Variants in ASIC2 observed in about 807,000 individuals in gnomAD.
ASIC2 encodes the protein acid-sensing ion channel 2.
ASIC2 carries 25 observed loss-of-function variants against 57.3 expected under a neutral mutation model. That is an observed-to-expected ratio of 0.44 (90% CI 0.32 to 0.61). The LOEUF (loss-of-function observed/expected upper bound fraction) is 0.61, where lower values mean the gene tolerates loss of function less well. Ranked by LOEUF, ASIC2 falls within the 20% of genes least tolerant of loss-of-function variation. The pLI is 0.06. For missense variants in ASIC2, 641 were observed against 738.1 expected (o/e 0.87, Z 1.52); for synonymous variants, 319 against 307.5 (o/e 1.04, Z -0.39).
At chr17:33,946,209 A>T (rs1448935378) in intron 1 of ASIC2, among the ~76,000 whole-genome samples, 2 of 152,186 alleles carry the variant, frequency 1.3e-5, no homozygotes, top group African/African-American at 4.8e-5. Context: ...GAAAACTCTT[A>T]TTTGGAGATA....
intron 7 of ASIC2, among the ~76,000 whole-genome samples, chr17:33,018,810 G>C (rs542196457): frequency 1.3e-5 from 2 of 152,244 alleles, no homozygotes; most frequent in East Asian, 1.9e-4. Context: ...TCTCTGGAAA[G>C]AGGTTTGGGA....
rs111985512 is a variant in ASIC2 at position 33,737,959 on chromosome 17, T to A, written c.555+418019A>T. Among the ~76,000 whole-genome samples, 40 of 152,070 alleles carry A rather than the reference T, an allele frequency of 2.6e-4. 2 individuals are homozygous for A. The highest frequency in any genetic ancestry group is 9.4e-4 in the African/African-American group (39 of 41,464). On this transcript the variant is annotated intron_variant, in intron 1 of 9. Transcript: ENST00000359872. The stretch of plus-strand genomic sequence containing the variant: ...AAACCCAACTTGGTAAACAAAAAAA[T>A]AAATAAATAAAAATAAAATGAACAA...
At position 33,658,165 on chromosome 17, in the gene ASIC2, A is replaced by T. The variant is rs144581367; in HGVS notation, c.555+497813T>A. Among the ~76,000 whole-genome samples, 262 of 152,310 alleles carry T rather than the reference A, an allele frequency of 1.7e-3. 1 individual carries two copies. Among genetic ancestry groups the T allele is most frequent in the African/African-American group, 5.9e-3 (246 of 41,566 alleles). On this transcript the variant is annotated intron_variant, in intron 1 of 9. Coordinates refer to the ASIC2 transcript ENST00000359872. The stretch of plus-strand genomic sequence containing the variant: ...CTCAGTCCAATTTGCTACTCCTTAG[A>T]AGTGGCCTGAGCCCAGAGCACAGTG...
chr17:33,979,272 T>G (rs1162392054), intron 1 of ASIC2, among the ~76,000 whole-genome samples: 1 of 152,144 alleles, frequency 6.6e-6, no homozygotes, highest in African/African-American at 2.4e-5. Flanking sequence ...TATCCGTCCT[T>G]CCTTCCTGCA....
At chr17:33,786,185 C>T (rs1456553153) in intron 1 of ASIC2, among the ~76,000 whole-genome samples, 1 of 152,104 alleles carries the variant, frequency 6.6e-6, no homozygotes, top group African/African-American at 2.4e-5. Flanking sequence ...GTTTGACTAA[C>T]TGGCAGGTTC....
chr17:33,357,145 G>A (rs939053169), intron 1 of ASIC2, among the ~76,000 whole-genome samples: 2 of 75,664 alleles, frequency 2.6e-5, no homozygotes, highest in Non-Finnish European at 5.6e-5. Flanking sequence ...CGTTGAGAAC[G>A]GGGCCCTCTG....
At chr17:33,432,604 TTATTA>T (rs1401904397) in intron 1 of ASIC2, among the ~76,000 whole-genome samples, 1 of 152,198 alleles carries the variant, frequency 6.6e-6, no homozygotes. Flanking sequence ...CTAGCTTACT[TTATTA>T]TAAGAGTACA....
In ASIC2 at chr17:33,181,309, A is replaced by T. The variant is rs188920463; in HGVS notation, c.709-69242T>A. 1.4e-4 allele frequency among the ~76,000 whole-genome samples: 21 copies of T among 152,346 alleles called. No individual in the cohort carries two copies. In the East Asian group the frequency reaches 3.7e-3, roughly 27 times the overall value. ...AGAAAAACACAAAAGTGTTTATAAT[A>T]ATAAACACTTTTAATAACACTTTTA... On this transcript the variant is annotated intron_variant, in intron 1 of 9. Transcript: ENST00000225823.
intron 1 of ASIC2, among the ~76,000 whole-genome samples, chr17:33,466,106 A>T (rs967017868): frequency 3.3e-5 from 5 of 152,224 alleles, no homozygotes; most frequent in African/African-American, 1.2e-4. Flanking sequence ...TTTAAAATTA[A>T]AATCTCCTTA....
chr17:33,735,788 C>A, intron 1 of ASIC2, among the ~76,000 whole-genome samples: 1 of 152,090 alleles, frequency 6.6e-6, no homozygotes, highest in Non-Finnish European at 1.5e-5. Context: ...GAAGGGTCTC[C>A]CTCCCTTCTA....
At chr17:34,144,571 A>G (rs1414866896) in intron 1 of ASIC2, among the ~76,000 whole-genome samples, 1 of 152,210 alleles carries the variant, frequency 6.6e-6, no homozygotes, top group African/African-American at 2.4e-5. Context: ...GATAACTTTT[A>G]AAGTTTTACT....
chr17:33,272,292 C>T (rs140111492), intron 1 of ASIC2, among the ~76,000 whole-genome samples: 21 of 152,290 alleles, frequency 1.4e-4, no homozygotes, highest in African/African-American at 5.1e-4. Context: ...TTTACCATCC[C>T]ATTCCATCCC....
intron 1 of ASIC2, chr17:34,039,942 G>A (rs1908045710): frequency 1.5e-6 from 2 of 1,320,162 alleles, no homozygotes; most frequent in African/African-American, 2.9e-5. Flanking sequence ...ACCCGGCTGC[G>A]GACCGCTCCG....
intron 1 of ASIC2, among the ~76,000 whole-genome samples, chr17:33,428,273 C>G (rs978815833): frequency 3.3e-5 from 5 of 152,098 alleles, no homozygotes; most frequent in Admixed American, 2.6e-4. Flanking sequence ...AAGTCATATC[C>G]CCAGAAATTC....
At chr17:33,676,960 C>G (rs1045105583) in intron 1 of ASIC2, among the ~76,000 whole-genome samples, 1 of 152,086 alleles carries the variant, frequency 6.6e-6, no homozygotes, top group African/African-American at 2.4e-5. Context: ...AAGTTTGTGC[C>G]CCCCATGCCA....
intron 1 of ASIC2, among the ~76,000 whole-genome samples, chr17:33,218,720 G>A (rs1907590579): frequency 6.6e-6 from 1 of 152,164 alleles, no homozygotes; most frequent in African/African-American, 2.4e-5. Flanking sequence ...CAATGAGACT[G>A]GACTTAAAAA....
At chr17:33,449,378 T>C (rs544970119) in intron 1 of ASIC2, among the ~76,000 whole-genome samples, 1 of 152,340 alleles carries the variant, frequency 6.6e-6, no homozygotes, top group African/African-American at 2.4e-5. Context: ...ACCTGCTACC[T>C]TTCCTGTATT....
intron 1 of ASIC2, among the ~76,000 whole-genome samples, chr17:33,452,770 T>TGTGC (rs1274768375): frequency 6.6e-6 from 1 of 151,640 alleles, no homozygotes; most frequent in East Asian, 1.9e-4. Flanking sequence ...TGTGTGTGTG[T>TGTGC]GTGTGTGATA....
intron 1 of ASIC2, among the ~76,000 whole-genome samples, chr17:34,130,444 A>G (rs1362465558): frequency 1.3e-5 from 2 of 152,216 alleles, no homozygotes; most frequent in Non-Finnish European, 2.9e-5. Flanking sequence ...AGAACACAGA[A>G]CCTATATCTA....
Sources: gnomAD v4.1 joint callset for allele counts (sites outside exome capture counted in the v4.1 genomes callset) on GRCh38, gnomAD v4.1.1 for gene constraint, MANE v1.5 for transcripts, NCBI Gene and HGNC (gene_info 2026-07-23, HGNC 2026-07-21) for gene names.